The following UBA3 variants were observed in gnomAD, a reference collection of about 807,000 sequenced individuals.
UBA3 encodes the protein NEDD8-activating enzyme E1 catalytic subunit.
In UBA3, 26 loss-of-function variants were observed where a neutral mutation model predicts 73.5. That is an observed-to-expected ratio of 0.35 (90% CI 0.26 to 0.49). The LOEUF (loss-of-function observed/expected upper bound fraction) is 0.49, where lower values mean the gene tolerates loss of function less well. UBA3 is among the 20% of genes least tolerant of loss of function. The probability of loss-of-function intolerance (pLI) is 0.98; values close to 1 mark genes in which losing one functional copy is unlikely to be tolerated. For synonymous variants in UBA3, 217 were observed against 191.2 expected, an observed-to-expected ratio of 1.13 and a Z score of -1.11; for missense variants, 495 against 555.6, an observed-to-expected ratio of 0.89 and a Z score of 1.10.
chr3:69,067,534 C>G (rs2092083728), intron 6 of UBA3, among the ~76,000 whole-genome samples: 1 of 152,032 alleles, frequency 6.6e-6, no homozygotes, highest in African/African-American at 2.4e-5. Context: ...TGTGATGTAC[C>G]TTCCATTTGG....
At chr3:69,055,645 A>T (rs2091966423) in intron 17 of UBA3, 120 bp from the exon 18 acceptor site, 2 of 893,454 alleles carry the variant, frequency 2.2e-6, no homozygotes, top group Non-Finnish European at 3.4e-6. Flanking sequence ...AATCCTCTTT[A>T]ATCAAAGTAA....
At chr3:69,057,150 C>A in intron 12 of UBA3, 106 bp downstream of exon 12, 1 of 1,172,006 alleles carries the variant, frequency 8.5e-7, no homozygotes, top group South Asian at 1.3e-5. Flanking sequence ...CTTAGTTACA[C>A]AACCCATCCA....
intron 14 of UBA3, 94 bp from the exon 15 acceptor site, chr3:69,056,377 T>C: frequency 9.0e-7 from 1 of 1,114,208 alleles, no homozygotes; most frequent in Non-Finnish European, 1.2e-6. Context: ...TGTTTTATAA[T>C]CATGCATATT....
intron 14 of UBA3, 35 bp from the exon 15 acceptor site, chr3:69,056,318 C>T: frequency 7.0e-7 from 1 of 1,433,236 alleles, no homozygotes; most frequent in Non-Finnish European, 9.5e-7. Flanking sequence ...TACAGCAGCA[C>T]ATGCACCAAT....
Position 69,055,104 on chromosome 3 carries a change from A to G in UBA3, c.*333T>C, listed in dbSNP as rs1174302782. 5.8e-6 allele frequency: 1 copy of G among 173,844 alleles called. No homozygotes were observed. The highest frequency in any genetic ancestry group is 2.4e-5 in the African/African-American group (1 of 42,296). The allele number at this position is 173,844 out of a possible 1,614,324, so 10.8% of individuals were successfully genotyped here. A position where few individuals can be genotyped will look rare whatever the true frequency, so the allele number is the denominator to read the frequency against. On this transcript the variant is annotated 3_prime_UTR_variant, in exon 18 of 18. Coordinates refer to ENST00000361055, the MANE Select transcript of UBA3 (RefSeq NM_003968.4). The stretch of plus-strand genomic sequence containing the variant: ...AGGGACACCTTTTGTGTATTTGGGT[A>G]CTCAAATGAAAACTTAGGAATGCAT...
rs1559639334 is a variant in UBA3 at position 69,055,514 on chromosome 3, C to T, written c.1315G>A (p.Val439Ile). 2 of 1,580,654 alleles carry T rather than the reference C, an allele frequency of 1.3e-6. 1 individual carries two copies. Among genetic ancestry groups the T allele is most frequent in the South Asian group, 2.4e-5 (2 of 83,566 alleles). The stretch of plus-strand genomic sequence containing the variant: ...GCAACCGCCAGTTCTTGTCCATCAA[C>T]AAGCCCCAATTCTAAAACAGAAAAA... ...LSKTLKELGL[V>I]DGQELAVADV... The change falls in exon 18 of 18, where the codon GTT becomes ATT. Residue 439 changes from valine to isoleucine, a missense_variant. By Grantham distance (29) the Val-to-Ile change is conservative. Coordinates refer to ENST00000361055, the MANE Select transcript of UBA3 (RefSeq NM_003968.4).
At chr3:69,068,133 T>C (rs1410639151) in intron 5 of UBA3, 125 bp from the exon 6 acceptor site, 4 of 639,268 alleles carry the variant, frequency 6.3e-6, no homozygotes, top group Non-Finnish European at 9.8e-6. Context: ...GGAATATTTT[T>C]GCCTAAGTAT....
intron 10 of UBA3, 70 bp from the exon 11 acceptor site, chr3:69,061,997 T>C: frequency 2.8e-6 from 4 of 1,432,092 alleles, no homozygotes; most frequent in Non-Finnish European, 3.9e-6. Context: ...AACAATGTTT[T>C]TAATGAAATT....
At chr3:69,069,862 C>G (rs779714669) in intron 5 of UBA3, among the ~76,000 whole-genome samples, 1 of 152,262 alleles carries the variant, frequency 6.6e-6, no homozygotes, top group Non-Finnish European at 1.5e-5. Context: ...TTTTATGGCA[C>G]GGCCCAAACA....
At chr3:69,064,217 T>C in intron 6 of UBA3, 106 bp from the exon 7 acceptor site, 1 of 852,504 alleles carries the variant, frequency 1.2e-6, no homozygotes, top group South Asian at 1.9e-5. Flanking sequence ...AAGAAATAAG[T>C]AATCAATGTT....
intron 7 of UBA3, 59 bp downstream of exon 7, chr3:69,064,009 G>A: frequency 7.0e-7 from 1 of 1,427,408 alleles, no homozygotes. Context: ...TATTTGAATA[G>A]CTACCAACTA....
intron 11 of UBA3, 92 bp from the exon 12 acceptor site, chr3:69,057,401 TA>T: frequency 3.4e-6 from 4 of 1,183,926 alleles, no homozygotes; most frequent in Non-Finnish European, 4.8e-6. Flanking sequence ...TACCATTTTC[TA>T]AAACTTGATT....
At chr3:69,065,285 AT>A (rs2092059946) in intron 6 of UBA3, among the ~76,000 whole-genome samples, 1 of 147,460 alleles carries the variant, frequency 6.8e-6, no homozygotes, top group South Asian at 2.1e-4. Context: ...CTGTATTTGC[AT>A]TTTTAAGCTC....
intron 2 of UBA3, 123 bp downstream of exon 2, chr3:69,079,989 G>T: frequency 1.1e-6 from 1 of 877,008 alleles, no homozygotes; most frequent in Non-Finnish European, 1.7e-6. Flanking sequence ...ATGAGGCAGC[G>T]CGGCCTGCGC....
rs149648949 is a variant in UBA3, at chr3:69,056,633, G to A, written c.1062C>T (p.Tyr354=). 3.1e-6 allele frequency: 5 copies of A among 1,611,982 alleles called. No individual in the cohort carries two copies. The highest frequency in any genetic ancestry group is 4.5e-5 in the East Asian group (2 of 44,776). Residue 354 remains tyrosine, a synonymous_variant, in exon 14 of 18, where the codon TAC becomes TAT. Coordinates refer to ENST00000361055, the MANE Select transcript of UBA3 (RefSeq NM_003968.4). ...VFNDVDGLYT[Y]TFEAERKENC... ...TAACCTTTCTTTCTGCTTCAAATGT[G>A]TATGTATACAGCCCATCTACATCAT...
At chr3:69,060,639 A>AT (rs1241510315) in intron 11 of UBA3, among the ~76,000 whole-genome samples, 5 of 152,226 alleles carry the variant, frequency 3.3e-5, no homozygotes, top group Admixed American at 3.3e-4. Context: ...GCTGTACAAC[A>AT]TATCAAAGGG....
intron 3 of UBA3, 111 bp downstream of exon 3, chr3:69,077,687 A>C (rs9874969): frequency 6.4e-6 from 8 of 1,243,850 alleles, no homozygotes; most frequent in Non-Finnish European, 7.5e-6. Flanking sequence ...TAGTTTCACA[A>C]AACAATTTTA....
chr3:69,073,666 C>T (rs867051761), intron 4 of UBA3, among the ~76,000 whole-genome samples: 20 of 148,272 alleles, frequency 1.3e-4, no homozygotes, highest in African/African-American at 4.2e-4. Context: ...GACGGAGTCT[C>T]GCTCTGTTGC....
chr3:69,061,488 G>A, intron 11 of UBA3: 1 of 180,090 alleles, frequency 5.6e-6, no homozygotes, highest in Non-Finnish European at 1.2e-5. Context: ...AGCCACCGCA[G>A]CTGACCTGAA....
Sources: gnomAD v4.1 joint callset for allele counts (sites outside exome capture counted in the v4.1 genomes callset) on GRCh38, gnomAD v4.1.1 for gene constraint, MANE v1.5 for transcripts, NCBI Gene and HGNC (gene_info 2026-07-23, HGNC 2026-07-21) for gene names.